The following ZNF112 variants were observed in gnomAD, a reference collection of about 807,000 sequenced individuals.
The protein encoded by ZNF112 is zinc finger protein 112, also known as zinc finger protein 112 (Y14).
In ZNF112, 37 loss-of-function variants were observed where a neutral mutation model predicts 77.7. The observed-to-expected ratio is 0.48, with a 90% CI of 0.37 to 0.63. ZNF112 has a LOEUF of 0.63. Among genes scored for constraint, ZNF112 ranks in the 20% least tolerant of loss-of-function variants. The pLI, the probability that ZNF112 is intolerant of heterozygous loss-of-function variation, is 0.00. For missense variants in ZNF112, 950 were observed against 1,077.4 expected (o/e 0.88, Z 1.66); for synonymous variants, 333 against 363.6 (o/e 0.92, Z 0.96).
upstream of ZNF112, among the ~76,000 whole-genome samples, chr19:44,360,961 C>T (rs970750192): frequency 2.6e-5 from 4 of 152,074 alleles, no homozygotes; most frequent in Admixed American, 2.6e-4. Flanking sequence ...AGATGTCTAT[C>T]GATGATAGTA....
chr19:44,354,241 G>A (rs1217905111), intron 1 of ZNF112, among the ~76,000 whole-genome samples: 3 of 152,100 alleles, frequency 2.0e-5, no homozygotes, highest in East Asian at 3.8e-4. Flanking sequence ...GGGAAGACAT[G>A]AGGGGAGTTT....
At chr19:44,347,549 C>CTTT (rs201473795) in intron 1 of ZNF112, among the ~76,000 whole-genome samples, 2 of 77,386 alleles carry the variant, frequency 2.6e-5, no homozygotes, top group South Asian at 8.8e-4. Flanking sequence ...GCTATATGTC[C>CTTT]TTTTTTTTTT....
Position 44,329,742 on chromosome 19 carries a change from C to T in ZNF112, c.415G>A (p.Ala139Thr). 6.2e-7 allele frequency: 1 copy of T among 1,614,006 alleles called. No homozygotes were observed. Among genetic ancestry groups the T allele is most frequent in the Non-Finnish European group, 8.5e-7 (1 of 1,180,002 alleles). ...TCAGAAATCTGAACTGGTATTCCTG[C>T]CCAAACCTGGCCGAGGGAATTACCT... ...EQGNSLGQVW[A>T]GIPVQISEDK... Residue 139 changes from alanine (A) to threonine (T), a missense_variant, in exon 4 of 4, where the codon GCA (alanine) becomes ACA (threonine). Physicochemically the swap from Ala to Thr is moderately conservative, Grantham distance 58. Coordinates refer to ENST00000354340, the MANE Select transcript of ZNF112 (RefSeq NM_013380.4).
At chr19:44,344,170 C>T (rs914864804) in intron 1 of ZNF112, among the ~76,000 whole-genome samples, 9 of 152,152 alleles carry the variant, frequency 5.9e-5, no homozygotes, top group Non-Finnish European at 1.2e-4. Flanking sequence ...CTAGATATGA[C>T]AAAATCTCAT....
chr19:44,336,846 A>C (rs553634209), intron 2 of ZNF112, 128 bp from the exon 3 acceptor site: 1 of 663,646 alleles, frequency 1.5e-6, no homozygotes. Flanking sequence ...GTTACCTTCC[A>C]CTCACTATAA....
intron 1 of ZNF112, among the ~76,000 whole-genome samples, chr19:44,343,479 C>T (rs765949940): frequency 2.2e-4 from 34 of 152,296 alleles, no homozygotes; most frequent in East Asian, 7.7e-4. Flanking sequence ...GCAGGGTGCC[C>T]GCATGCACGG....
intron 1 of ZNF112, chr19:44,343,222 A>G (rs962424933): frequency 1.2e-6 from 2 of 1,612,534 alleles, no homozygotes; most frequent in Non-Finnish European, 1.7e-6. Context: ...ATGAGGTCAC[A>G]TGTAAAACGG....
intron 3 of ZNF112, among the ~76,000 whole-genome samples, chr19:44,330,179 A>G (rs1222071914): frequency 6.6e-6 from 1 of 152,192 alleles, no homozygotes; most frequent in Non-Finnish European, 1.5e-5. Context: ...AATGTTCTAC[A>G]TGATGTTCAA....
rs147435748 is a variant in ZNF112 at position 44,327,616 on chromosome 19, T to C, written c.2541A>G (p.Arg847=). The C allele has an allele frequency of 3.7e-4, 598 of 1,613,870 alleles. 1 individual carries two copies. In the African/African-American group the frequency reaches 7.3e-3, roughly 20 times the overall value. ...TGTATGGTTTCTCTCCTGTGTGGAC[T>C]CTCTGGTGAGCCTGAAGATTTGATC... is the stretch of plus-strand genomic sequence containing the variant. The part of the protein sequence containing the change: ...SQRSNLQAHQ[R]VHTGEKPYKC... Residue 847 remains arginine, a synonymous_variant, in exon 4 of 4, where the codon AGA becomes AGG. Transcript: ENST00000354340.
rs1434060981 is a variant in ZNF112 at position 44,328,698 on chromosome 19, G to C, written c.1459C>G (p.His487Asp). The change falls in exon 4 of 4, where the codon CAC becomes GAC. Residue 487 changes from histidine (H) to aspartate (D), a missense_variant. Physicochemically the swap from His to Asp is moderately conservative, Grantham distance 81. This residue lies in a region of ZNF112 where 560 missense variants were observed against 557.3 expected (regional missense o/e 1.00). Coordinates refer to ENST00000354340, the MANE Select transcript of ZNF112 (RefSeq NM_013380.4). Reference sequence around the variant, plus strand: ...TCCTTACGTGGTTTCTCTCCAATGTGAATTTTTGGATGACCTTGAAGATAT... The same window carrying C: ...TCCTTACGTGGTTTCTCTCCAATGTCAATTTTTGGATGACCTTGAAGATAT... ...NLYLQGHPKIHIGEKPRKEHG... is the reference protein window; with the variant it reads ...NLYLQGHPKIDIGEKPRKEHG... 6.2e-7 allele frequency: 1 copy of C among 1,614,026 alleles called. No homozygotes were observed. The highest frequency in any genetic ancestry group is 1.7e-5 in the Admixed American group (1 of 60,004).
chr19:44,352,460 T>G (rs1285204949), intron 1 of ZNF112, among the ~76,000 whole-genome samples: 1 of 152,086 alleles, frequency 6.6e-6, no homozygotes, highest in African/African-American at 2.4e-5. Context: ...AGATGTGTAC[T>G]CTTGACATAA....
upstream of ZNF112, among the ~76,000 whole-genome samples, chr19:44,359,184 A>C (rs891181965): frequency 4.6e-5 from 7 of 152,074 alleles, no homozygotes; most frequent in Admixed American, 4.6e-4. Flanking sequence ...TCAGGTGAGC[A>C]TGACCTTCCT....
chr19:44,350,286 G>T (rs991322933), intron 1 of ZNF112, among the ~76,000 whole-genome samples: 1 of 152,002 alleles, frequency 6.6e-6, no homozygotes, highest in African/African-American at 2.4e-5. Context: ...CAAACTCAAA[G>T]ATTTAACCAT....
chr19:44,363,286 A>G (rs1041676401), intron 1 of ZNF112, among the ~76,000 whole-genome samples: 25 of 152,184 alleles, frequency 1.6e-4, no homozygotes, highest in African/African-American at 5.8e-4. Context: ...ATTTTATAAC[A>G]TAAAGAAGAG....
At chr19:44,345,846 T>C (rs778794320) in intron 1 of ZNF112, among the ~76,000 whole-genome samples, 2 of 152,186 alleles carry the variant, frequency 1.3e-5, no homozygotes, top group Non-Finnish European at 2.9e-5. Flanking sequence ...CCTGCACTCC[T>C]TTCTCTTTTC....
At chr19:44,343,873 A>C (rs1970538182) in intron 1 of ZNF112, among the ~76,000 whole-genome samples, 1 of 152,194 alleles carries the variant, frequency 6.6e-6, no homozygotes, top group Non-Finnish European at 1.5e-5. Flanking sequence ...TGCCCTGGCG[A>C]ATGTATTTTG....
chr19:44,337,927 G>A (rs1970416697), intron 2 of ZNF112, among the ~76,000 whole-genome samples: 1 of 142,658 alleles, frequency 7.0e-6, no homozygotes, highest in Admixed American at 7.2e-5. Context: ...AGATACTACA[G>A]TGACCATACC....
At chr19:44,349,789 T>A (rs1005080966) in intron 1 of ZNF112, among the ~76,000 whole-genome samples, 1 of 152,100 alleles carries the variant, frequency 6.6e-6, no homozygotes, top group Non-Finnish European at 1.5e-5. Context: ...ATAAAATAAA[T>A]TTGTTTATGA....
chr19:44,354,173 C>T (rs10420923), intron 1 of ZNF112, among the ~76,000 whole-genome samples: 2 of 151,864 alleles, frequency 1.3e-5, no homozygotes, highest in South Asian at 2.1e-4. Context: ...AAAACTATAG[C>T]GTTTTAGTGG....
Sources: gnomAD v4.1 joint callset for allele counts (sites outside exome capture counted in the v4.1 genomes callset) on GRCh38, gnomAD v4.1.1 for gene constraint, gnomAD v4.1.1 regional missense constraint, MANE v1.5 for transcripts, NCBI Gene and HGNC (gene_info 2026-07-23, HGNC 2026-07-21) for gene names.